The following SRRM4 variants were observed in gnomAD, a reference collection of about 807,000 sequenced individuals.
SRRM4 encodes the protein serine/arginine repetitive matrix protein 4.
Under a neutral mutation model 68.9 loss-of-function variants are expected in SRRM4, and 33 were observed. The observed-to-expected ratio is 0.48, with a 90% CI of 0.36 to 0.64. The LOEUF is 0.64. Ranked by LOEUF, SRRM4 falls within the 30% of genes least tolerant of loss-of-function variation. The pLI is 0.00. For missense variants in SRRM4, 817 were observed against 827.1 expected, an observed-to-expected ratio of 0.99 and a Z score of 0.15; for synonymous variants, 318 against 318.8, an observed-to-expected ratio of 1.00 and a Z score of 0.03.
intron 1 of SRRM4, among the ~76,000 whole-genome samples, chr12:119,091,422 T>C (rs1954013825): frequency 6.6e-6 from 1 of 151,998 alleles, no homozygotes; most frequent in South Asian, 2.1e-4. Flanking sequence ...CTCCCATCCC[T>C]CTCCTTCCCA....
intron 1 of SRRM4, among the ~76,000 whole-genome samples, chr12:119,064,509 C>G (rs1026626928): frequency 6.6e-6 from 1 of 151,976 alleles, no homozygotes; most frequent in African/African-American, 2.4e-5. Context: ...AGAGGAAAAC[C>G]AAAAACTTGA....
At chr12:119,094,646 C>T (rs537749923) in intron 1 of SRRM4, among the ~76,000 whole-genome samples, 31 of 152,340 alleles carry the variant, frequency 2.0e-4, no homozygotes, top group African/African-American at 7.5e-4. Context: ...TGACCAATTT[C>T]TATTCATCTG....
chr12:119,145,623 A>AC lies in SRRM4; in HGVS notation c.1018dup (p.Gln340ProfsTer86). Reference sequence around the variant, plus strand: ...CAGGGAACTCCTTCACCACCTCCTCACCCCAGAACAAGGGGGCCATGTTGG... The same window carrying AC: ...CAGGGAACTCCTTCACCACCTCCTCACCCCCAGAACAAGGGGGCCATGTTGG... On this transcript the variant is annotated frameshift_variant, in exon 9 of 13. Coordinates refer to ENST00000267260, the MANE Select transcript of SRRM4 (RefSeq NM_194286.4). LOFTEE classifies it high-confidence loss of function. 1.3e-6 allele frequency: 2 copies of AC among 1,545,794 alleles called. No homozygotes were observed.
chr12:119,020,593 G>A (rs1029654375), intron 1 of SRRM4, among the ~76,000 whole-genome samples: 5 of 152,150 alleles, frequency 3.3e-5, no homozygotes, highest in African/African-American at 1.2e-4. Context: ...GACGGAGGGG[G>A]AGTGAGTCGG....
intron 1 of SRRM4, among the ~76,000 whole-genome samples, chr12:119,043,260 G>A (rs933463228): frequency 6.6e-6 from 1 of 152,136 alleles, no homozygotes; most frequent in African/African-American, 2.4e-5. Context: ...GGAGCTGGGA[G>A]CCATTATCCT....
At chr12:119,051,854 A>G (rs1449289376) in intron 1 of SRRM4, among the ~76,000 whole-genome samples, 1 of 152,258 alleles carries the variant, frequency 6.6e-6, no homozygotes, top group Non-Finnish European at 1.5e-5. Context: ...GCTTTACAGC[A>G]TCGTCAAACA....
At chr12:119,043,985 A>T (rs1193132760) in intron 1 of SRRM4, among the ~76,000 whole-genome samples, 1 of 151,270 alleles carries the variant, frequency 6.6e-6, no homozygotes, top group African/African-American at 2.4e-5. Flanking sequence ...TCCTGCCTCA[A>T]CCTCCCAAGT....
intron 8 of SRRM4, among the ~76,000 whole-genome samples, chr12:119,135,668 TATC>T (rs1954323585): frequency 6.6e-6 from 1 of 152,144 alleles, no homozygotes; most frequent in African/African-American, 2.4e-5. Context: ...TCTTTACATG[TATC>T]ATCATCATTG....
intron 1 of SRRM4, among the ~76,000 whole-genome samples, chr12:119,038,714 C>A (rs1953645885): frequency 6.6e-6 from 1 of 151,982 alleles, no homozygotes; most frequent in African/African-American, 2.4e-5. Flanking sequence ...TTTCATGTTT[C>A]CTCTTCATTT....
chr12:119,063,156 A>G (rs1406057213), intron 1 of SRRM4, among the ~76,000 whole-genome samples: 2 of 152,238 alleles, frequency 1.3e-5, no homozygotes, highest in African/African-American at 4.8e-5. Context: ...GCTAGGCAAT[A>G]GATGTTCAAA....
chr12:119,150,419 C>T lies in SRRM4; in HGVS notation c.1077-598C>T, dbSNP rs117622395. ...CCCTGAAGGCAGAGGTTGCAGTCAG[C>T]CACTGCACTACAGCCTGGGTAACAG... is the stretch of plus-strand genomic sequence containing the variant. On this transcript the variant is annotated intron_variant, in intron 9 of 12. Transcript: ENST00000267260. 6.5e-3 allele frequency among the ~76,000 whole-genome samples: 988 copies of T among 152,252 alleles called. 9 individuals are homozygous for T. Among genetic ancestry groups the T allele is most frequent in the Admixed American group, 0.032 (485 of 15,294 alleles).
At chr12:119,144,090 A>C (rs1054840324) in intron 8 of SRRM4, among the ~76,000 whole-genome samples, 1 of 149,700 alleles carries the variant, frequency 6.7e-6, no homozygotes, top group African/African-American at 2.5e-5. Flanking sequence ...CGCCTCCTTT[A>C]CTCCTTCATT....
Position 119,156,972 on chromosome 12 carries a change from T to A in SRRM4, c.*174T>A. On this transcript the variant is annotated 3_prime_UTR_variant, in exon 13 of 13. Coordinates refer to ENST00000267260, the MANE Select transcript of SRRM4 (RefSeq NM_194286.4). ...GGGGGCTTCACTCTCTAGATCAGCC[T>A]GCTAGGAGCCTCTACCAGCATCATC... The A allele has an allele frequency of 1.3e-6, 1 of 755,754 alleles. No homozygotes were observed. Among genetic ancestry groups the A allele is most frequent in the Non-Finnish European group, 2.1e-6 (1 of 487,350 alleles). The allele number at this position is 755,754 out of a possible 1,614,324, so 46.8% of individuals were successfully genotyped here.
At chr12:119,156,399 G>C in intron 12 of SRRM4, 96 bp from the exon 13 acceptor site, 1 of 1,459,512 alleles carries the variant, frequency 6.9e-7, no homozygotes, top group East Asian at 2.5e-5. Flanking sequence ...ACTGGGGAAA[G>C]GGAGGATATT....
At chr12:119,146,623 A>G (rs1012785657) in intron 9 of SRRM4, among the ~76,000 whole-genome samples, 2 of 151,198 alleles carry the variant, frequency 1.3e-5, no homozygotes, top group African/African-American at 4.9e-5. Flanking sequence ...CTAACATTAA[A>G]TTAATTGTAA....
intron 1 of SRRM4, 50 bp downstream of exon 1, chr12:118,982,063 G>T: frequency 6.4e-7 from 1 of 1,564,484 alleles, no homozygotes; most frequent in Non-Finnish European, 8.7e-7. Context: ...CTCCTTTCTG[G>T]CCTGTGCCCC....
At chr12:119,032,183 C>T (rs1212369353) in intron 1 of SRRM4, among the ~76,000 whole-genome samples, 1 of 152,076 alleles carries the variant, frequency 6.6e-6, no homozygotes, top group Non-Finnish European at 1.5e-5. Flanking sequence ...GGGAATGAAG[C>T]GTCCCCTCCC....
chr12:119,135,042 C>T (rs939316871), intron 8 of SRRM4, among the ~76,000 whole-genome samples: 24 of 151,972 alleles, frequency 1.6e-4, no homozygotes, highest in African/African-American at 2.9e-4. Context: ...ATCACCATTT[C>T]GAAGATGGGA....
At chr12:119,001,091 C>T (rs2135993266) in intron 1 of SRRM4, 1 of 152,332 alleles carries the variant, frequency 6.6e-6, no homozygotes, top group East Asian at 1.9e-4. Flanking sequence ...ATCTAAGTGG[C>T]TTCACTGATA....
Sources: gnomAD v4.1 joint callset for allele counts (sites outside exome capture counted in the v4.1 genomes callset) on GRCh38, gnomAD v4.1.1 for gene constraint, MANE v1.5 for transcripts, NCBI Gene and HGNC (gene_info 2026-07-23, HGNC 2026-07-21) for gene names.